The following RABGAP1L variants were observed in gnomAD, a reference collection of about 807,000 sequenced individuals.
The protein encoded by RABGAP1L is rab GTPase-activating protein 1-like.
Under a neutral mutation model 137.7 loss-of-function variants are expected in RABGAP1L, and 63 were observed. The ratio of observed to expected loss-of-function variants is 0.46; its 90% CI spans 0.37 to 0.56. The LOEUF (loss-of-function observed/expected upper bound fraction) is 0.56. Among genes scored for constraint, RABGAP1L ranks in the 20% least tolerant of loss-of-function variants. The pLI is 0.00. For missense variants in RABGAP1L, 1,095 were observed against 1,244.0 expected (o/e 0.88, Z 1.80); for synonymous variants, 431 against 433.7 (o/e 0.99, Z 0.08).
At chr1:174,706,874 T>G (rs1173066159) in intron 17 of RABGAP1L, among the ~76,000 whole-genome samples, 1 of 152,224 alleles carries the variant, frequency 6.6e-6, no homozygotes. Flanking sequence ...TAGTCATCAT[T>G]ATGTTTGTGA....
At chr1:174,696,318 T>C (rs971051574) in intron 15 of RABGAP1L, among the ~76,000 whole-genome samples, 2 of 151,460 alleles carry the variant, frequency 1.3e-5, no homozygotes, top group African/African-American at 4.9e-5. Context: ...AGAAAAGGAG[T>C]ATCTCCCAAG....
chr1:174,541,989 G>A (rs1665499219), intron 13 of RABGAP1L, among the ~76,000 whole-genome samples: 2 of 152,306 alleles, frequency 1.3e-5, no homozygotes, highest in African/African-American at 4.8e-5. Flanking sequence ...GCTGGATTTG[G>A]TTTGCCAGTA....
intron 13 of RABGAP1L, among the ~76,000 whole-genome samples, chr1:174,485,288 A>G (rs970687746): frequency 1.2e-4 from 19 of 152,222 alleles, no homozygotes; most frequent in Admixed American, 8.5e-4. Flanking sequence ...TTTGCAAACA[A>G]GGATAATTTG....
chr1:174,839,028 C>CGTGTGTGTGTGTGTGT lies in RABGAP1L; in HGVS notation c.2340+27081_2340+27096dup, dbSNP rs71726767. On this transcript the variant is annotated intron_variant, in intron 19 of 25. Coordinates refer to ENST00000681986, the MANE Select transcript of RABGAP1L (RefSeq NM_001366446.1). ...ATGAGCTAAGTCATGAACTTTTTTA[C>CGTGTGTGTGTGTGTGT]GTGTGTGTGTGTGTGTGTGTGTGTG... Among the ~76,000 whole-genome samples the CGTGTGTGTGTGTGTGT allele has an allele frequency of 1.4e-3, 188 of 130,092 alleles. 1 individual carries two copies. The highest frequency in any genetic ancestry group is 2.1e-3 in the African/African-American group (74 of 35,026). The allele number at this position is 130,092 out of a possible 152,430, so 85.3% of individuals were successfully genotyped here.
chr1:174,490,139 T>C (rs1213672086), intron 13 of RABGAP1L, among the ~76,000 whole-genome samples: 2 of 151,962 alleles, frequency 1.3e-5, no homozygotes, highest in African/African-American at 4.8e-5. Context: ...ATGTTGATGG[T>C]TGTAGATATT....
intron 13 of RABGAP1L, among the ~76,000 whole-genome samples, chr1:174,584,677 TGATA>T (rs1189834960): frequency 2.0e-5 from 3 of 152,226 alleles, no homozygotes; most frequent in East Asian, 1.9e-4. Context: ...GTATCTCAGA[TGATA>T]GATAGAAGAA....
At chr1:174,538,876 G>A (rs1401941236) in intron 13 of RABGAP1L, among the ~76,000 whole-genome samples, 1 of 152,156 alleles carries the variant, frequency 6.6e-6, no homozygotes, top group Admixed American at 6.5e-5. Context: ...ATTTTGTAGT[G>A]TGATAGTAGG....
intron 12 of RABGAP1L, 72 bp from the exon 13 acceptor site, chr1:174,393,923 A>G: frequency 1.3e-6 from 2 of 1,523,274 alleles, no homozygotes; most frequent in East Asian, 2.3e-5. Context: ...ATAAACTAGT[A>G]TACTTTTCAT....
intron 18 of RABGAP1L, among the ~76,000 whole-genome samples, chr1:174,782,250 G>A (rs1687071691): frequency 6.6e-6 from 1 of 152,070 alleles, no homozygotes; most frequent in South Asian, 2.1e-4. Context: ...ATTGAGCAGT[G>A]GTTTGCAGTT....
At chr1:174,644,170 T>G (rs1436996516) in intron 14 of RABGAP1L, among the ~76,000 whole-genome samples, 1 of 152,082 alleles carries the variant, frequency 6.6e-6, no homozygotes, top group Non-Finnish European at 1.5e-5. Flanking sequence ...ATTTTTCTTC[T>G]GAGACTGTGA....
At chr1:174,733,456 A>G (rs559443263) in intron 17 of RABGAP1L, among the ~76,000 whole-genome samples, 2 of 152,230 alleles carry the variant, frequency 1.3e-5, no homozygotes, top group Non-Finnish European at 2.9e-5. Flanking sequence ...TAACTTGACC[A>G]ATTTGTATTT....
chr1:174,931,469 T>C (rs954788903), intron 19 of RABGAP1L, among the ~76,000 whole-genome samples: 1 of 152,198 alleles, frequency 6.6e-6, no homozygotes, highest in African/African-American at 2.4e-5. Flanking sequence ...CTGAGCCAAA[T>C]TAAACCTTGC....
At chr1:174,535,103 T>C (rs755195571) in intron 13 of RABGAP1L, among the ~76,000 whole-genome samples, 9 of 152,184 alleles carry the variant, frequency 5.9e-5, no homozygotes, top group Non-Finnish European at 1.0e-4. Context: ...TAAGGTTAAG[T>C]ATTGTTTTGT....
At chr1:174,200,143 T>C (rs1440792400) in intron 1 of RABGAP1L, among the ~76,000 whole-genome samples, 1 of 152,242 alleles carries the variant, frequency 6.6e-6, no homozygotes, top group Non-Finnish European at 1.5e-5. Context: ...AGACAGATAA[T>C]GTACCAATGC....
Position 174,976,078 on chromosome 1 carries a change from G to A in RABGAP1L, c.2545G>A (p.Ala849Thr). The change falls in exon 22 of 26, where the codon GCA becomes ACA. Residue 849 changes from alanine (A) to threonine (T), a missense_variant and splice_region_variant. Transcript: ENST00000681986. ...KIALRNDLDQ[A>T]EDKADVLNKE... ...GACTGTGATGCACCATGATTTGCAG[G>A]CAGAAGACAAGGCAGATGTGTTGAA... is the stretch of plus-strand genomic sequence containing the variant. 1 of 1,550,280 alleles carries A rather than the reference G, an allele frequency of 6.5e-7. No homozygotes were observed. The highest frequency in any genetic ancestry group is 1.2e-5 in the South Asian group (1 of 84,032).
At chr1:174,401,104 A>G (rs1883262) in intron 13 of RABGAP1L, among the ~76,000 whole-genome samples, 53,456 of 151,836 alleles carry the variant, frequency 0.35, 12,055 homozygotes, top group African/African-American at 0.64. Context: ...GAGCTGTTAT[A>G]TGTAAATCCG....
chr1:174,382,734 A>G (rs1242582408), intron 12 of RABGAP1L, among the ~76,000 whole-genome samples: 14 of 132,460 alleles, frequency 1.1e-4, no homozygotes, highest in South Asian at 5.3e-4. Context: ...CTTTGGTTTG[A>G]ATGTCCTCCC....
At chr1:174,654,667 CTG>C (rs1675832259) in intron 14 of RABGAP1L, among the ~76,000 whole-genome samples, 2 of 152,036 alleles carry the variant, frequency 1.3e-5, no homozygotes, top group South Asian at 4.1e-4. Flanking sequence ...TTTTACATTT[CTG>C]TGTCTTTAAA....
chr1:174,463,550 T>C (rs1202428711), intron 13 of RABGAP1L, among the ~76,000 whole-genome samples: 1 of 152,074 alleles, frequency 6.6e-6, no homozygotes, highest in Non-Finnish European at 1.5e-5. Context: ...TTAGGAGATA[T>C]ACCTAATGCT....
Sources: gnomAD v4.1 joint callset for allele counts (sites outside exome capture counted in the v4.1 genomes callset) on GRCh38, gnomAD v4.1.1 for gene constraint, MANE v1.5 for transcripts, NCBI Gene and HGNC (gene_info 2026-07-23, HGNC 2026-07-21) for gene names.